The following SCLT1 variants were observed in gnomAD, a reference collection of about 807,000 sequenced individuals.
SCLT1 encodes the protein sodium channel-associated protein 1.
A neutral mutation model predicts 112.8 loss-of-function variants in SCLT1; 78 were observed. The observed-to-expected ratio is 0.69, with a 90% CI of 0.58 to 0.83. The LOEUF (loss-of-function observed/expected upper bound fraction) is 0.83. Among genes scored for constraint, SCLT1 ranks in the 40% least tolerant of loss-of-function variants. The pLI is 0.00. For missense variants in SCLT1, 747 were observed against 770.4 expected, an observed-to-expected ratio of 0.97 and a Z score of 0.36; for synonymous variants, 257 against 254.7, an observed-to-expected ratio of 1.01 and a Z score of -0.09.
rs1172674925 is a variant in SCLT1, at chr4:129,084,514, GA to G, written c.35-2142del. ...CAGAAAACTATGAAACGTTTCTCTG[GA>G]AAAAACTTTAAAATTCATATGAAAC... On this transcript the variant is annotated intron_variant, in intron 1 of 20. Coordinates refer to ENST00000281142, the MANE Select transcript of SCLT1 (RefSeq NM_144643.4). 3.7e-4 allele frequency among the ~76,000 whole-genome samples: 56 copies of G among 152,086 alleles called. 1 individual carries two copies. Among genetic ancestry groups the G allele is most frequent in the African/African-American group, 1.3e-3 (53 of 41,520 alleles).
rs1393317168 is a variant in SCLT1, at chr4:129,087,914, T to C, written c.34+5156A>G. Among the ~76,000 whole-genome samples the C allele has an allele frequency of 2.0e-5, 3 of 151,500 alleles. No individual in the cohort carries two copies. The East Asian group carries it at 5.8e-4, about 30-fold the overall frequency. On this transcript the variant is annotated intron_variant, in intron 1 of 20. Transcript: ENST00000281142. ...CAGCCTGGGAAACATAGGGAGACCC[T>C]ATCTCTACAAAAAGAAAAAAAAATT...
At position 129,061,663 on chromosome 4, in the gene SCLT1, C is replaced by T. The variant is rs1028309326; in HGVS notation, c.103-17612G>A. Among the ~76,000 whole-genome samples, 22 of 151,802 alleles carry T rather than the reference C, an allele frequency of 1.4e-4. No homozygotes were observed. In the East Asian group the frequency reaches 3.5e-3, roughly 24 times the overall value. On this transcript the variant is annotated intron_variant, in intron 2 of 20. Transcript: ENST00000281142. ...TTTGGGTCCAGTCTGGTGGTGGGGG[C>T]GTGGATGGGGTGAGGGGAAGGTAGA...
intron 2 of SCLT1, among the ~76,000 whole-genome samples, chr4:129,053,378 G>C (rs934955142): frequency 6.6e-6 from 1 of 151,990 alleles, no homozygotes; most frequent in African/African-American, 2.4e-5. Context: ...CTCTTTGTAA[G>C]TCTCTAAGAA....
At chr4:129,063,627 G>A (rs1167495619) in intron 2 of SCLT1, among the ~76,000 whole-genome samples, 3 of 152,212 alleles carry the variant, frequency 2.0e-5, no homozygotes, top group Non-Finnish European at 2.9e-5. Flanking sequence ...GGGCCAGCTG[G>A]TGTGGTGGTA....
chr4:128,982,204 C>T (rs1198674780), intron 9 of SCLT1, among the ~76,000 whole-genome samples: 3 of 152,090 alleles, frequency 2.0e-5, no homozygotes, highest in Non-Finnish European at 4.4e-5. Flanking sequence ...TGCCTCTGAG[C>T]CATGTGGGTA....
At chr4:128,912,724 CG>C (rs1735198674) in intron 18 of SCLT1, among the ~76,000 whole-genome samples, 1 of 151,596 alleles carries the variant, frequency 6.6e-6, no homozygotes, top group African/African-American at 2.4e-5. Context: ...TCCTCCTCTT[CG>C]CCCTCCTCCT....
At chr4:128,937,555 T>A (rs865963899) in intron 17 of SCLT1, among the ~76,000 whole-genome samples, 23 of 152,200 alleles carry the variant, frequency 1.5e-4, no homozygotes, top group Admixed American at 6.5e-4. Flanking sequence ...CAAACCACTT[T>A]TGACTTACAT....
chr4:128,969,075 A>T (rs1740449297), intron 10 of SCLT1, among the ~76,000 whole-genome samples: 2 of 152,162 alleles, frequency 1.3e-5, no homozygotes, highest in African/African-American at 4.8e-5. Context: ...AAACTCAAAT[A>T]TCTAGTTCCA....
At chr4:129,009,848 G>T (rs1252275964) in intron 5 of SCLT1, among the ~76,000 whole-genome samples, 1 of 152,140 alleles carries the variant, frequency 6.6e-6, no homozygotes, top group African/African-American at 2.4e-5. Context: ...CTGGATATTT[G>T]ACCTTTGTCA....
intron 17 of SCLT1, among the ~76,000 whole-genome samples, chr4:128,938,935 T>C (rs1737444509): frequency 6.6e-6 from 1 of 152,124 alleles, no homozygotes; most frequent in African/African-American, 2.4e-5. Context: ...TGAGCCAAGA[T>C]CACGCCATTG....
chr4:128,978,447 C>CAA (rs200535344), intron 9 of SCLT1, among the ~76,000 whole-genome samples: 1 of 150,836 alleles, frequency 6.6e-6, no homozygotes, highest in East Asian at 1.9e-4. Flanking sequence ...CAAAACAAAA[C>CAA]AAAACAAAAA....
chr4:129,031,264 C>G (rs1167957072), intron 5 of SCLT1, among the ~76,000 whole-genome samples: 2 of 152,106 alleles, frequency 1.3e-5, no homozygotes, highest in Admixed American at 6.5e-5. Flanking sequence ...ATTCAACATC[C>G]TTCATGCTAA....
intron 2 of SCLT1, among the ~76,000 whole-genome samples, chr4:129,069,943 G>C (rs1344513570): frequency 6.6e-6 from 1 of 152,050 alleles, no homozygotes; most frequent in Non-Finnish European, 1.5e-5. Context: ...TGCCAATTTT[G>C]TTGAGAGTTT....
chr4:128,951,327 C>A (rs1738714007), intron 14 of SCLT1, among the ~76,000 whole-genome samples: 3 of 151,926 alleles, frequency 2.0e-5, no homozygotes, highest in African/African-American at 7.3e-5. Flanking sequence ...TATAGTTCTC[C>A]CCATAGAATC....
chr4:129,003,493 C>CTTTTTAT (rs1743711588), intron 6 of SCLT1, among the ~76,000 whole-genome samples: 1 of 143,334 alleles, frequency 7.0e-6, no homozygotes, highest in South Asian at 2.3e-4. Flanking sequence ...AAGAAAAAAA[C>CTTTTTAT]TCACGTCAAA....
intron 5 of SCLT1, among the ~76,000 whole-genome samples, chr4:129,032,527 T>C (rs1036787095): frequency 1.3e-5 from 2 of 151,462 alleles, no homozygotes; most frequent in East Asian, 3.9e-4. Context: ...CACAGCAAAA[T>C]AAACTATCAT....
At chr4:128,960,811 T>G (rs990509324) in intron 11 of SCLT1, among the ~76,000 whole-genome samples, 36 of 147,514 alleles carry the variant, frequency 2.4e-4, no homozygotes, top group South Asian at 2.4e-3. Flanking sequence ...TCCCAGCTAC[T>G]CGGGAGGCTG....
chr4:128,963,748 A>C (rs1042634981), intron 11 of SCLT1, among the ~76,000 whole-genome samples: 7 of 152,158 alleles, frequency 4.6e-5, no homozygotes, highest in African/African-American at 1.7e-4. Context: ...ATTATTATTG[A>C]TTCCTTCAAG....
At position 128,896,065 on chromosome 4, in the gene SCLT1, G is replaced by A. The variant is rs575114628; in HGVS notation, c.1830-4928C>T. ...AAGCTCAAACTGGGTGGAGCCCACT[G>A]CAGCTCAAGGAGGCCTGCCTGCCTC... On this transcript the variant is annotated intron_variant, in intron 18 of 20. Coordinates refer to ENST00000281142, the MANE Select transcript of SCLT1 (RefSeq NM_144643.4). Among the ~76,000 whole-genome samples, 13 of 152,146 alleles carry A rather than the reference G, an allele frequency of 8.5e-5. No homozygotes were observed. The South Asian group carries it at 1.0e-3, about 12-fold the overall frequency.
Sources: allele counts gnomAD v4.1 joint callset (sites outside exome capture counted in the v4.1 genomes callset), GRCh38; gene constraint gnomAD v4.1.1; transcripts MANE v1.5; gene names NCBI Gene and HGNC (gene_info 2026-07-23, HGNC 2026-07-21).